The following TASP1 variants were observed in gnomAD, a reference collection of about 807,000 sequenced individuals.
The protein encoded by TASP1 is threonine aspartase 1.
TASP1 carries 16 observed loss-of-function variants against 56.6 expected under a neutral mutation model. The ratio of observed to expected loss-of-function variants is 0.28; its 90% CI spans 0.19 to 0.43. The LOEUF (loss-of-function observed/expected upper bound fraction) is 0.43. Ranked by LOEUF, TASP1 falls within the 20% of genes least tolerant of loss-of-function variation. The pLI, the probability that TASP1 is intolerant of heterozygous loss-of-function variation, is 1.00. For synonymous variants in TASP1, 179 were observed against 184.2 expected, an observed-to-expected ratio of 0.97 and a Z score of 0.23; for missense variants, 393 against 511.6, an observed-to-expected ratio of 0.77 and a Z score of 2.24.
At chr20:13,430,237 A>G (rs1203088782) in intron 12 of TASP1, among the ~76,000 whole-genome samples, 1 of 152,220 alleles carries the variant, frequency 6.6e-6, no homozygotes, top group East Asian at 1.9e-4. Context: ...TTTATTAGTT[A>G]TCTACTGCTA....
the TASP1 span, among the ~76,000 whole-genome samples, chr20:13,136,736 T>G: frequency 2.0e-4 from 30 of 147,812 alleles, no homozygotes; most frequent in Non-Finnish European, 3.7e-4. Flanking sequence ...ATAAAAGTTA[T>G]ATATATAATA....
the TASP1 span, among the ~76,000 whole-genome samples, chr20:13,306,588 C>T: frequency 1.3e-5 from 1 of 76,610 alleles, no homozygotes; most frequent in Non-Finnish European, 2.7e-5. Context: ...AAAAAAAAAG[C>T]AAAGAAAATA....
chr20:13,187,046 T>G, the TASP1 span, among the ~76,000 whole-genome samples: 1 of 152,028 alleles, frequency 6.6e-6, no homozygotes, highest in African/African-American at 2.4e-5. Context: ...GAGAATCAAG[T>G]GGAAACTTTA....
chr20:13,180,050 C>G, the TASP1 span, among the ~76,000 whole-genome samples: 9 of 152,112 alleles, frequency 5.9e-5, no homozygotes, highest in African/African-American at 2.2e-4. Context: ...AGGTTGGCCT[C>G]CCCACCTCAT....
intron 2 of TASP1, among the ~76,000 whole-genome samples, chr20:13,625,814 A>G (rs894045337): frequency 6.6e-6 from 1 of 152,212 alleles, no homozygotes; most frequent in African/African-American, 2.4e-5. Context: ...AATGTAGCTC[A>G]GGGTGTCTCT....
chr20:13,164,169 G>T, the TASP1 span, among the ~76,000 whole-genome samples: 2 of 152,016 alleles, frequency 1.3e-5, no homozygotes, highest in Non-Finnish European at 2.9e-5. Context: ...TGTGCAAAAT[G>T]GGGGATACAT....
the TASP1 span, among the ~76,000 whole-genome samples, chr20:13,382,112 A>T: frequency 6.6e-6 from 1 of 152,164 alleles, no homozygotes; most frequent in South Asian, 2.1e-4. Flanking sequence ...CTTCTTGGCC[A>T]CACTCAACCA....
At chr20:13,408,929 C>T (rs1442339891) in intron 13 of TASP1, among the ~76,000 whole-genome samples, 4 of 151,598 alleles carry the variant, frequency 2.6e-5, no homozygotes, top group African/African-American at 4.8e-5. Flanking sequence ...CAAAGAACTT[C>T]GTCTAGCTTT....
chr20:13,198,062 G>A, the TASP1 span, among the ~76,000 whole-genome samples: 2 of 151,906 alleles, frequency 1.3e-5, no homozygotes, highest in African/African-American at 2.4e-5. Context: ...TAAAGTTTCC[G>A]CCAGTCTTTG....
At chr20:13,265,108 G>A in the TASP1 span, among the ~76,000 whole-genome samples, 4 of 152,068 alleles carry the variant, frequency 2.6e-5, no homozygotes, top group Non-Finnish European at 4.4e-5. Flanking sequence ...GTCTCTGATC[G>A]TTACTCTCAC....
At chr20:13,358,903 C>T in the TASP1 span, among the ~76,000 whole-genome samples, 1 of 151,030 alleles carries the variant, frequency 6.6e-6, no homozygotes, top group African/African-American at 2.4e-5. Context: ...GTCTCTACCC[C>T]TTCTCTGCTT....
intron 10 of TASP1, among the ~76,000 whole-genome samples, chr20:13,490,688 C>A (rs527650984): frequency 6.6e-6 from 1 of 152,028 alleles, no homozygotes; most frequent in Non-Finnish European, 1.5e-5. Context: ...CTCACCCCTC[C>A]CACCCTCTTA....
chr20:13,453,855 G>C (rs1220886401), intron 11 of TASP1, among the ~76,000 whole-genome samples: 1 of 151,974 alleles, frequency 6.6e-6, no homozygotes, highest in African/African-American at 2.4e-5. Flanking sequence ...ACAAACAAGG[G>C]GCTGAGAGGG....
intron 8 of TASP1, among the ~76,000 whole-genome samples, chr20:13,544,205 T>C (rs565524527): frequency 1.3e-5 from 2 of 152,368 alleles, no homozygotes; most frequent in South Asian, 2.1e-4. Flanking sequence ...CATATTGCTA[T>C]ATTCAGTGTT....
chr20:13,377,002 C>T, the TASP1 span, among the ~76,000 whole-genome samples: 52 of 152,306 alleles, frequency 3.4e-4, no homozygotes, highest in African/African-American at 1.2e-3. Context: ...TCTAAATATA[C>T]AATCATGTCA....
At chr20:13,339,909 T>C in the TASP1 span, among the ~76,000 whole-genome samples, 2 of 151,918 alleles carry the variant, frequency 1.3e-5, no homozygotes, top group African/African-American at 4.8e-5. Context: ...CAGTCTGGAG[T>C]CCTTTTTTCT....
chr20:13,491,932 A>G (rs1401466176), intron 10 of TASP1, among the ~76,000 whole-genome samples: 1 of 152,236 alleles, frequency 6.6e-6, no homozygotes, highest in African/African-American at 2.4e-5. Flanking sequence ...GGACCTCAAA[A>G]TAAGATTAGG....
At position 13,588,231 on chromosome 20, in the gene TASP1, GAGAA is replaced by G. The variant is rs1264885888; in HGVS notation, c.283-865_283-862del. On this transcript the variant is annotated intron_variant, in intron 4 of 13. Transcript: ENST00000337743. ...TCTAACCAGACAATTAGACAAAAAG[GAGAA>G]AGAAAGAAAGGAAGAAAGGAAGGAA... 1.4e-4 allele frequency among the ~76,000 whole-genome samples: 18 copies of G among 130,324 alleles called. No homozygotes were observed. In the East Asian group the frequency reaches 1.8e-3, roughly 13 times the overall value. 85.5% of individuals were successfully genotyped at this position (130,324 alleles called of 152,430 possible).
chr20:13,417,880 G>A (rs2042311225), intron 12 of TASP1, among the ~76,000 whole-genome samples: 1 of 151,216 alleles, frequency 6.6e-6, no homozygotes, highest in South Asian at 2.1e-4. Flanking sequence ...ACACGTGCAT[G>A]CACACACACA....
Sources: allele counts gnomAD v4.1 joint callset (sites outside exome capture counted in the v4.1 genomes callset), GRCh38; gene constraint gnomAD v4.1.1; transcripts MANE v1.5; gene names NCBI Gene and HGNC (gene_info 2026-07-23, HGNC 2026-07-21).